The following CACNG4 variants were observed in gnomAD, a reference collection of about 807,000 sequenced individuals.
The protein encoded by CACNG4 is calcium voltage-gated channel auxiliary subunit gamma 4, also known as voltage-dependent calcium channel gamma-4 subunit.
CACNG4 carries 8 observed loss-of-function variants against 22.9 expected under a neutral mutation model. The ratio of observed to expected loss-of-function variants is 0.35; its 90% CI spans 0.21 to 0.63. The LOEUF is 0.63. CACNG4 is among the 30% of genes least tolerant of loss of function. The pLI is 0.72. For missense variants in CACNG4, 357 were observed against 455.4 expected, an observed-to-expected ratio of 0.78 and a Z score of 1.97; for synonymous variants, 188 against 191.9, an observed-to-expected ratio of 0.98 and a Z score of 0.17.
Position 67,031,689 on chromosome 17 carries a change from C to T in CACNG4, c.*685C>T. 2.2e-6 allele frequency: 1 copy of T among 456,754 alleles called. No homozygotes were observed. Among genetic ancestry groups the T allele is most frequent in the Non-Finnish European group, 4.4e-6 (1 of 226,980 alleles). The allele number at this position is 456,754 out of a possible 1,614,324, so 28.3% of individuals were successfully genotyped here. A position where few individuals can be genotyped will look rare whatever the true frequency, so the allele number is the denominator to read the frequency against. On this transcript the variant is annotated 3_prime_UTR_variant, in exon 4 of 4. Transcript: ENST00000262138. This position sits in a 1 kb window ranked among gnomAD's most constrained non-coding sequence, Gnocchi z 4.0. ...AGGAGGCCCAGGTAAAGGCTGGGGG[C>T]TGTTGCTGGCTATCCTCTTTGCTTC...
intron 1 of CACNG4, among the ~76,000 whole-genome samples, chr17:66,973,125 A>G (rs529234901): frequency 6.6e-6 from 1 of 152,060 alleles, no homozygotes; most frequent in East Asian, 2.0e-4. Flanking sequence ...AGGCACCTGT[A>G]GTCCCAGCTA....
At position 67,030,030 on chromosome 17, in the gene CACNG4, G is replaced by A. The variant is rs2035592930; in HGVS notation, c.446-436G>A. Among the ~76,000 whole-genome samples, 1 of 152,180 alleles carries A rather than the reference G, an allele frequency of 6.6e-6. No homozygotes were observed. The highest frequency in any genetic ancestry group is 2.1e-4 in the South Asian group (1 of 4,834). ...GTGGGTCGTGAGACTTCTGTATGGCGGTGCCGCACGTAGTTAGAAAGACAG... is the reference window on the plus strand; with the variant it reads ...GTGGGTCGTGAGACTTCTGTATGGCAGTGCCGCACGTAGTTAGAAAGACAG... On this transcript the variant is annotated intron_variant, in intron 3 of 3. Coordinates refer to ENST00000262138, the MANE Select transcript of CACNG4 (RefSeq NM_014405.4). This position sits in a 1 kb window ranked among gnomAD's most constrained non-coding sequence, Gnocchi z 6.4.
chr17:67,028,592 G>A (rs1187680962), intron 3 of CACNG4, among the ~76,000 whole-genome samples: 1 of 152,124 alleles, frequency 6.6e-6, no homozygotes, highest in African/African-American at 2.4e-5. Context: ...CGCAATGGAT[G>A]GTAATTGAAC....
rs564091171 is a variant in CACNG4, at chr17:66,985,533, C to T, written c.220+20402C>T. Among the ~76,000 whole-genome samples the T allele has an allele frequency of 2.2e-4, 34 of 152,234 alleles. 1 individual carries two copies. The South Asian group carries it at 3.5e-3, about 16-fold the overall frequency. On this transcript the variant is annotated intron_variant, in intron 1 of 3. Coordinates refer to ENST00000262138, the MANE Select transcript of CACNG4 (RefSeq NM_014405.4). ...GGCCTCTATCAGCCTGGGAAAGTCCCGGGGGGCTTCCCAGAGGAGGCAACA... is the reference window on the plus strand; with the variant it reads ...GGCCTCTATCAGCCTGGGAAAGTCCTGGGGGGCTTCCCAGAGGAGGCAACA...
chr17:67,030,759 T>C lies in CACNG4; in HGVS notation c.739T>C (p.Ser247Pro), dbSNP rs200921531. 3.7e-6 allele frequency: 6 copies of C among 1,614,160 alleles called. No homozygotes were observed. Among genetic ancestry groups the C allele is most frequent in the Non-Finnish European group, 5.1e-6 (6 of 1,180,034 alleles). ...CCGGCGACGGCGCTCGAGGTCCAGC[T>C]CAAGGTCCACCGAGGCCTCGCCCTC... ...RYRRRRSRSS[S>P]RSTEASPSRD... is the part of the protein sequence containing the mutation. The change falls in exon 4 of 4, where the codon TCA (serine) becomes CCA (proline). Residue 247 changes from serine (S) to proline (P), a missense_variant. Ser to Pro is a moderately conservative substitution (Grantham distance 74). Transcript: ENST00000262138. This position sits in a 1 kb window ranked among gnomAD's most constrained non-coding sequence, Gnocchi z 6.4.
chr17:67,022,835 C>T (rs1373726747), intron 2 of CACNG4, among the ~76,000 whole-genome samples: 1 of 152,226 alleles, frequency 6.6e-6, no homozygotes, highest in African/African-American at 2.4e-5. Context: ...CGCCTTCCTC[C>T]CAGCCCAGAT....
At chr17:67,024,583 C>T (rs1210438514) in intron 2 of CACNG4, among the ~76,000 whole-genome samples, 1 of 152,226 alleles carries the variant, frequency 6.6e-6, no homozygotes, top group African/African-American at 2.4e-5. Context: ...TTACTCTGGT[C>T]TCCCTGGTGC....
intron 1 of CACNG4, among the ~76,000 whole-genome samples, chr17:67,001,879 T>A (rs1035603500): frequency 2.0e-5 from 3 of 152,180 alleles, no homozygotes; most frequent in Non-Finnish European, 4.4e-5. Flanking sequence ...GCCATGGGGC[T>A]TGGGATGCAG....
chr17:67,030,861 A>G lies in CACNG4; in HGVS notation c.841A>G (p.Arg281Gly), dbSNP rs1309161277. The change falls in exon 4 of 4, where the codon AGG becomes GGG. Residue 281 changes from arginine to glycine, a missense_variant. Transcript: ENST00000262138. This position sits in a 1 kb window ranked among gnomAD's most constrained non-coding sequence, Gnocchi z 6.4. ...MGELSMYTLSREPLKVTTAAS... is the reference protein window; with the variant it reads ...MGELSMYTLSGEPLKVTTAAS... Reference sequence around the variant, plus strand: ...GGAGCTGTCCATGTACACGCTGTCCAGGGAGCCCCTCAAGGTGACCACCGC... The same window carrying G: ...GGAGCTGTCCATGTACACGCTGTCCGGGGAGCCCCTCAAGGTGACCACCGC... 2 of 1,613,296 alleles carry G rather than the reference A, an allele frequency of 1.2e-6. No homozygotes were observed. Among genetic ancestry groups the G allele is most frequent in the African/African-American group, 1.3e-5 (1 of 75,022 alleles).
chr17:67,032,072 C>T lies in CACNG4; in HGVS notation c.*1068C>T, dbSNP rs2035611155. 1 of 429,544 alleles carries T rather than the reference C, an allele frequency of 2.3e-6. No homozygotes were observed. The highest frequency in any genetic ancestry group is 4.6e-6 in the Non-Finnish European group (1 of 215,780). The allele number at this position is 429,544 out of a possible 1,614,324, so 26.6% of individuals were successfully genotyped here. A position where few individuals can be genotyped will look rare whatever the true frequency, so the allele number is the denominator to read the frequency against. On this transcript the variant is annotated 3_prime_UTR_variant, in exon 4 of 4. Transcript: ENST00000262138. ...CCAGGAGAGCAACTTACCTTCATTT[C>T]TTTGTCTTAAAAAGTAGCAGCAACT...
At chr17:66,996,087 G>C (rs16960452) in intron 1 of CACNG4, among the ~76,000 whole-genome samples, 5,848 of 152,092 alleles carry the variant, frequency 0.038, 355 homozygotes, top group African/African-American at 0.13. Context: ...TTCCAGGAGC[G>C]ACTGGTTGAC....
At chr17:66,965,246 G>GCGGGC in intron 1 of CACNG4, 115 bp downstream of exon 1, 1 of 662,198 alleles carries the variant, frequency 1.5e-6, no homozygotes, top group South Asian at 2.2e-5. Context: ...TGCCCGGCGC[G>GCGGGC]CGGGCCGGGG....
At chr17:67,022,855 G>A (rs1027090465) in intron 2 of CACNG4, among the ~76,000 whole-genome samples, 1 of 152,228 alleles carries the variant, frequency 6.6e-6, no homozygotes, top group African/African-American at 2.4e-5. Context: ...TGCTAAGGGA[G>A]GGGCACCCTA....
At position 67,031,250 on chromosome 17, in the gene CACNG4, G is replaced by T. The variant is rs967944393; in HGVS notation, c.*246G>T. ...GAAAAAGGGTGTTTTGATGCCTCAG[G>T]GTCTCTGAAATCTCCCGGGAAGCCC... On this transcript the variant is annotated 3_prime_UTR_variant, in exon 4 of 4. Coordinates refer to ENST00000262138, the MANE Select transcript of CACNG4 (RefSeq NM_014405.4). This position sits in a 1 kb window ranked among gnomAD's most constrained non-coding sequence, Gnocchi z 4.0. 3.5e-5 allele frequency: 23 copies of T among 655,010 alleles called. No individual in the cohort carries two copies. In the South Asian group the frequency reaches 3.5e-4, roughly 10 times the overall value. 40.6% of individuals were successfully genotyped at this position (655,010 alleles called of 1,614,324 possible). A position where few individuals can be genotyped will look rare whatever the true frequency, so the allele number is the denominator to read the frequency against.
At chr17:66,973,233 C>T (rs1032910892) in intron 1 of CACNG4, among the ~76,000 whole-genome samples, 1 of 111,550 alleles carries the variant, frequency 9.0e-6, no homozygotes, top group Non-Finnish European at 1.9e-5. Flanking sequence ...GAGCAAGACT[C>T]CATTAAAAAA....
chr17:66,986,145 A>G (rs1295223980), intron 1 of CACNG4, among the ~76,000 whole-genome samples: 3 of 152,302 alleles, frequency 2.0e-5, no homozygotes, highest in Non-Finnish European at 4.4e-5. Context: ...TCGAAACAGA[A>G]AGCCTCTTAT....
chr17:66,997,337 G>A (rs952590312), intron 1 of CACNG4, among the ~76,000 whole-genome samples: 5 of 152,140 alleles, frequency 3.3e-5, no homozygotes, highest in African/African-American at 7.2e-5. Context: ...GAGTCAAGAC[G>A]CCCTCCAGTG....
intron 1 of CACNG4, among the ~76,000 whole-genome samples, chr17:66,992,202 A>ACC (rs2035345282): frequency 2.6e-5 from 4 of 151,106 alleles, no homozygotes; most frequent in African/African-American, 9.7e-5. Context: ...ACCCTTGAGT[A>ACC]CCTAATTGCC....
intron 1 of CACNG4, among the ~76,000 whole-genome samples, chr17:66,991,334 AAAC>A (rs1051593971): frequency 6.7e-6 from 1 of 149,418 alleles, no homozygotes; most frequent in Non-Finnish European, 1.5e-5. Flanking sequence ...ACAAACAAAC[AAAC>A]AAAAAAAAAC....
Sources: allele counts gnomAD v4.1 joint callset (sites outside exome capture counted in the v4.1 genomes callset), GRCh38; gene constraint gnomAD v4.1.1; non-coding constraint Gnocchi (gnomAD v3.1); transcripts MANE v1.5; gene names NCBI Gene and HGNC (gene_info 2026-07-23, HGNC 2026-07-21).